VKORC1L1: variants seen among roughly 807,000 people sequenced by gnomAD.
VKORC1L1 encodes vitamin K epoxide reductase complex subunit 1-like protein 1.
Under a neutral mutation model 18.9 loss-of-function variants are expected in VKORC1L1, and 2 were observed. The observed-to-expected ratio is 0.11, with a 90% CI of 0.04 to 0.33. The LOEUF (loss-of-function observed/expected upper bound fraction) is 0.33. Ranked by LOEUF, VKORC1L1 falls within the 10% of genes least tolerant of loss-of-function variation. The pLI is 1.00. For missense variants in VKORC1L1, 123 were observed against 224.1 expected, an observed-to-expected ratio of 0.55 and a Z score of 2.88; for synonymous variants, 96 against 100.0, an observed-to-expected ratio of 0.96 and a Z score of 0.24.
intron 1 of VKORC1L1, among the ~76,000 whole-genome samples, chr7:65,906,555 T>C (rs1156440764): frequency 6.6e-6 from 1 of 152,160 alleles, no homozygotes; most frequent in Non-Finnish European, 1.5e-5. Context: ...GAATACACAC[T>C]GCCTATTTTT....
At position 65,895,512 on chromosome 7, in the gene VKORC1L1, TATATACACACACAC is replaced by T. The variant is rs1156637241; in HGVS notation, c.194+21949_194+21962del. ...ATATATATATATATATATATATATA[TATATACACACACAC>T]ACACACACACACATATAATTTGTGA... On this transcript the variant is annotated intron_variant, in intron 1 of 2. Coordinates refer to ENST00000360768, the MANE Select transcript of VKORC1L1 (RefSeq NM_173517.6). 3.7e-4 allele frequency among the ~76,000 whole-genome samples: 27 copies of T among 73,894 alleles called. 1 individual carries two copies. The highest frequency in any genetic ancestry group is 1.1e-3 in the African/African-American group (25 of 23,486). The allele number at this position is 73,894 out of a possible 152,430, so 48.5% of individuals were successfully genotyped here. A position where few individuals can be genotyped will look rare whatever the true frequency, so the allele number is the denominator to read the frequency against.
intron 2 of VKORC1L1, among the ~76,000 whole-genome samples, chr7:65,951,169 G>A (rs1790205956): frequency 6.6e-6 from 1 of 152,170 alleles, no homozygotes; most frequent in Admixed American, 6.5e-5. Flanking sequence ...AGGCACATTT[G>A]AACTAACCTA....
rs541795541 is a variant in VKORC1L1 at position 65,883,499 on chromosome 7, C to A, written c.194+9934C>A. The stretch of plus-strand genomic sequence containing the variant: ...TGATAGAATAAAATACTGCTTTAAT[C>A]TTTTTTTGTTTGTTTTTTGAGACGG... On this transcript the variant is annotated intron_variant, in intron 1 of 2. Transcript: ENST00000360768. Among the ~76,000 whole-genome samples, 3 of 148,466 alleles carry A rather than the reference C, an allele frequency of 2.0e-5. No homozygotes were observed. In the East Asian group the frequency reaches 6.1e-4, roughly 30 times the overall value.
At chr7:65,952,559 A>G (rs1790228955) in intron 2 of VKORC1L1, among the ~76,000 whole-genome samples, 1 of 151,596 alleles carries the variant, frequency 6.6e-6, no homozygotes, top group Non-Finnish European at 1.5e-5. Context: ...CCAGGATTTC[A>G]GCTCTTTAAC....
intron 1 of VKORC1L1, among the ~76,000 whole-genome samples, chr7:65,892,183 G>A (rs182364152): frequency 2.6e-5 from 4 of 151,836 alleles, no homozygotes; most frequent in South Asian, 2.1e-4. Flanking sequence ...TTATCCATTC[G>A]TCTGTTGATG....
chr7:65,911,578 A>C (rs574189492), intron 1 of VKORC1L1, among the ~76,000 whole-genome samples: 1 of 152,136 alleles, frequency 6.6e-6, no homozygotes, highest in East Asian at 1.9e-4. Context: ...AATGTGTATA[A>C]AAGTTTTGTT....
chr7:65,950,511 A>G (rs1437600850), intron 2 of VKORC1L1, among the ~76,000 whole-genome samples: 1 of 152,190 alleles, frequency 6.6e-6, no homozygotes, highest in Non-Finnish European at 1.5e-5. Flanking sequence ...CAAATTATAA[A>G]TCTAAATCAT....
chr7:65,901,575 A>G lies in VKORC1L1; in HGVS notation c.194+28010A>G, dbSNP rs1789318043. ...CCTACTGAGCTCTATGGTTGCCCCAATTTATTATCTGGAGGTAGTTTTCAG... is the reference window on the plus strand; with the variant it reads ...CCTACTGAGCTCTATGGTTGCCCCAGTTTATTATCTGGAGGTAGTTTTCAG... On this transcript the variant is annotated intron_variant, in intron 1 of 2. Transcript: ENST00000360768. Among the ~76,000 whole-genome samples, 6 of 152,176 alleles carry G rather than the reference A, an allele frequency of 3.9e-5. No homozygotes were observed. The South Asian group carries it at 1.0e-3, about 26-fold the overall frequency.
upstream of VKORC1L1, among the ~76,000 whole-genome samples, chr7:65,872,971 C>T (rs1487744006): frequency 6.8e-6 from 1 of 147,284 alleles, no homozygotes; most frequent in South Asian, 2.2e-4. Flanking sequence ...TCCGCCCCTC[C>T]CCACCCCTGC....
chr7:65,869,824 T>A (rs1788704400), upstream of VKORC1L1, among the ~76,000 whole-genome samples: 1 of 151,700 alleles, frequency 6.6e-6, no homozygotes, highest in Admixed American at 6.6e-5. Flanking sequence ...TAATGTTGTA[T>A]TTTTATTTTT....
At position 65,873,347 on chromosome 7, in the gene VKORC1L1, AGGCGGCGGC is replaced by A. The variant is rs750857985; in HGVS notation, c.-13_-5del. On this transcript the variant is annotated 5_prime_UTR_variant, in exon 1 of 3. Coordinates refer to ENST00000360768, the MANE Select transcript of VKORC1L1 (RefSeq NM_173517.6). ...CGGCGGCTGAGGTGGAGGCGGAGGGAGGCGGCGGCGGCGGCGGCGGGAAGATGGCGGCTC... is the reference window on the plus strand; with the variant it reads ...CGGCGGCTGAGGTGGAGGCGGAGGGAGGCGGCGGCGGGAAGATGGCGGCTC... The A allele has an allele frequency of 1.9e-5, 27 of 1,451,312 alleles. No homozygotes were observed. In the East Asian group the frequency reaches 3.8e-4, roughly 20 times the overall value. 89.9% of individuals were successfully genotyped at this position (1,451,312 alleles called of 1,614,324 possible).
At chr7:65,953,283 C>G (rs1790242863) in intron 2 of VKORC1L1, among the ~76,000 whole-genome samples, 1 of 152,158 alleles carries the variant, frequency 6.6e-6, no homozygotes, top group African/African-American at 2.4e-5. Flanking sequence ...GTGTAGTCAC[C>G]TCTCATTGTG....
At chr7:65,935,073 G>T (rs905375656) in intron 1 of VKORC1L1, among the ~76,000 whole-genome samples, 5 of 151,704 alleles carry the variant, frequency 3.3e-5, no homozygotes, top group African/African-American at 1.2e-4. Flanking sequence ...AAAAAAAAGG[G>T]GGTCTATTTC....
rs1434891303 is a variant in VKORC1L1 at position 65,896,928 on chromosome 7, G to A, written c.194+23363G>A. 6.6e-5 allele frequency among the ~76,000 whole-genome samples: 10 copies of A among 152,270 alleles called. No individual in the cohort carries two copies. The East Asian group carries it at 1.9e-3, about 29-fold the overall frequency. On this transcript the variant is annotated intron_variant, in intron 1 of 2. Transcript: ENST00000360768. Reference sequence around the variant, plus strand: ...GCAAGAGGATTGCTTGAACCTGGGAGGTGGAGGTTGCAGTGAGCCGAGATC... The same window carrying A: ...GCAAGAGGATTGCTTGAACCTGGGAAGTGGAGGTTGCAGTGAGCCGAGATC...
intron 1 of VKORC1L1, among the ~76,000 whole-genome samples, chr7:65,874,787 C>T (rs1398360566): frequency 3.3e-5 from 5 of 152,036 alleles, no homozygotes; most frequent in African/African-American, 1.2e-4. Flanking sequence ...GCCTGGGCAA[C>T]AGAATGAGAC....
intron 1 of VKORC1L1, among the ~76,000 whole-genome samples, chr7:65,896,078 T>C (rs912763074): frequency 6.6e-6 from 1 of 150,832 alleles, no homozygotes; most frequent in Non-Finnish European, 1.5e-5. Context: ...TTTTTTTTTT[T>C]TTGTAGTAGA....
chr7:65,908,941 G>T (rs1386105071), intron 1 of VKORC1L1, among the ~76,000 whole-genome samples: 1 of 151,038 alleles, frequency 6.6e-6, no homozygotes, highest in African/African-American at 2.4e-5. Context: ...ACAAGCTCAT[G>T]TAATTTATTC....
intron 1 of VKORC1L1, among the ~76,000 whole-genome samples, chr7:65,942,599 G>A (rs940271981): frequency 2.0e-5 from 3 of 151,440 alleles, no homozygotes; most frequent in African/African-American, 7.3e-5. Context: ...GTGCAGTGGC[G>A]CAATCTCGGC....
intron 1 of VKORC1L1, among the ~76,000 whole-genome samples, chr7:65,886,368 A>G (rs967660775): frequency 9.9e-5 from 15 of 152,178 alleles, no homozygotes; most frequent in South Asian, 4.1e-4. Context: ...GGTACACATT[A>G]AGATAGTGCC....
Sources: gnomAD v4.1 joint callset for allele counts (sites outside exome capture counted in the v4.1 genomes callset) on GRCh38, gnomAD v4.1.1 for gene constraint, MANE v1.5 for transcripts, NCBI Gene and HGNC (gene_info 2026-07-23, HGNC 2026-07-21) for gene names.